The following B9D2 variants were observed in gnomAD, a reference collection of about 807,000 sequenced individuals.
The protein encoded by B9D2 is B9 domain-containing protein 2.
In B9D2, 21 loss-of-function variants were observed where a neutral mutation model predicts 19.2. The ratio of observed to expected loss-of-function variants is 1.09; its 90% CI spans 0.78 to 1.58. The LOEUF is 1.58. B9D2 is among the 40% of genes most tolerant of loss of function. The probability of loss-of-function intolerance (pLI) is 0.00; values close to 1 mark genes in which losing one functional copy is unlikely to be tolerated. For synonymous variants in B9D2, 91 were observed against 100.6 expected (o/e 0.90, Z 0.57); for missense variants, 221 against 244.3 (o/e 0.90, Z 0.64).
In B9D2 at chr19:41,357,954, C is replaced by G. The variant is rs746928334; in HGVS notation, c.157G>C (p.Asp53His). The G allele has an allele frequency of 1.2e-6, 2 of 1,614,116 alleles. No individual in the cohort carries two copies. Among genetic ancestry groups the G allele is most frequent in the Non-Finnish European group, 1.7e-6 (2 of 1,179,976 alleles). ...ATGGGGTGGGACCAGTAAGCCATGT[C>G]CCCTATCTGCGGGGTGTCCACTTGC... ...QTQVDTPQIG[D>H]MAYWSHPIDL... The change falls in exon 3 of 4, where the codon GAC (aspartate) becomes CAC (histidine). Residue 53 changes from aspartate (D) to histidine (H), a missense_variant. Coordinates refer to ENST00000243578, the MANE Select transcript of B9D2 (RefSeq NM_030578.4).
At chr19:41,362,651 C>G (rs2038429463) in intron 2 of B9D2, among the ~76,000 whole-genome samples, 1 of 152,156 alleles carries the variant, frequency 6.6e-6, no homozygotes, top group Non-Finnish European at 1.5e-5. Context: ...ATTGTACAAA[C>G]AAGGAAGTCG....
intron 3 of B9D2, 98 bp downstream of exon 3, chr19:41,357,799 G>A: frequency 6.5e-7 from 1 of 1,544,820 alleles, no homozygotes; most frequent in Non-Finnish European, 8.9e-7. Context: ...CGTGGTATGG[G>A]GAGCAGGGAC....
rs1445808447 is a variant in B9D2, at chr19:41,357,879, T to A, written c.214+18A>T. The stretch of plus-strand genomic sequence containing the variant: ...CCCCTCCCCTCAGCCTGGACCCGGG[T>A]CCAGGTGTGATACCCACCTTGAAGA... On this transcript the variant is annotated intron_variant, in intron 3 of 3. Coordinates refer to ENST00000243578, the MANE Select transcript of B9D2 (RefSeq NM_030578.4). The A allele has an allele frequency of 3.7e-6, 6 of 1,613,674 alleles. No individual in the cohort carries two copies. Among genetic ancestry groups the A allele is most frequent in the Non-Finnish European group, 5.1e-6 (6 of 1,179,882 alleles).
At chr19:41,357,637 C>G (rs1210393810) in intron 3 of B9D2, among the ~76,000 whole-genome samples, 3 of 152,032 alleles carry the variant, frequency 2.0e-5, no homozygotes, top group African/African-American at 7.2e-5. Flanking sequence ...TGAATGCCAC[C>G]TCCCCTCCCA....
chr19:41,359,421 A>C (rs2038368466), intron 2 of B9D2, among the ~76,000 whole-genome samples: 12 of 151,934 alleles, frequency 7.9e-5, no homozygotes. Flanking sequence ...ACACACACAC[A>C]CACCCACAAA....
chr19:41,355,829 G>A (rs562562811), intron 3 of B9D2, among the ~76,000 whole-genome samples: 9 of 152,346 alleles, frequency 5.9e-5, no homozygotes, highest in South Asian at 4.1e-4. Context: ...TGGGGATACC[G>A]CTTTAGCAAG....
At chr19:41,357,286 AGGACAAGGC>A (rs2038328645) in intron 3 of B9D2, among the ~76,000 whole-genome samples, 1 of 152,176 alleles carries the variant, frequency 6.6e-6, no homozygotes, top group East Asian at 1.9e-4. Context: ...GAACCCTGTG[AGGACAAGGC>A]TAAGGGACAC....
chr19:41,356,577 C>T (rs959414209), intron 3 of B9D2, among the ~76,000 whole-genome samples: 24 of 151,946 alleles, frequency 1.6e-4, no homozygotes, highest in Admixed American at 1.5e-3. Context: ...GGCGCGGTGG[C>T]TCATGCCTGT....
In B9D2 at chr19:41,354,880, C is replaced by G; in HGVS notation, c.348G>C (p.Leu116=). ...HQLACPTWRP[L]GSWREQLARA... is the part of the protein sequence containing the mutation. Reference sequence around the variant, plus strand: ...GTGCCAACTGTTCTCGCCAACTGCCCAGGGGCCGCCACGTGGGGCAGGCCA... The same window carrying G: ...GTGCCAACTGTTCTCGCCAACTGCCGAGGGGCCGCCACGTGGGGCAGGCCA... The change falls in exon 4 of 4, where the codon CTG becomes CTC. Residue 116 remains leucine (L), a synonymous_variant. Transcript: ENST00000243578. The G allele has an allele frequency of 6.2e-7, 1 of 1,613,812 alleles. No individual in the cohort carries two copies. Among genetic ancestry groups the G allele is most frequent in the Non-Finnish European group, 8.5e-7 (1 of 1,179,948 alleles).
chr19:41,356,093 G>A (rs1438237454), intron 3 of B9D2, among the ~76,000 whole-genome samples: 1 of 152,156 alleles, frequency 6.6e-6, no homozygotes, highest in Non-Finnish European at 1.5e-5. Context: ...GCCTGGTTGT[G>A]GAGAGCCTTG....
At chr19:41,363,714 G>A (rs1599913039) in intron 1 of B9D2, among the ~76,000 whole-genome samples, 191 bp from the exon 2 acceptor site, 1 of 152,172 alleles carries the variant, frequency 6.6e-6, no homozygotes, top group Non-Finnish European at 1.5e-5. Context: ...AAAAATGGGG[G>A]GACCCTTGTC....
At chr19:41,355,368 A>G (rs942937997) in intron 3 of B9D2, among the ~76,000 whole-genome samples, 1 of 152,176 alleles carries the variant, frequency 6.6e-6, no homozygotes, top group Non-Finnish European at 1.5e-5. Context: ...ATGTCAGGGC[A>G]GCCCATTGCT....
intron 2 of B9D2, chr19:41,361,108 T>C (rs1407127121): frequency 5.3e-5 from 8 of 152,212 alleles, no homozygotes; most frequent in African/African-American, 1.9e-4. Context: ...GGTCCCATCA[T>C]GGGACTGGAT....
chr19:41,359,169 G>A lies in B9D2; in HGVS notation c.89-1147C>T, dbSNP rs1376723320. ...AAACAAGCCAGGCGCAGTGACTCAC[G>A]CCTGTAATCTCAGCACTTTGGGAGG... is the stretch of plus-strand genomic sequence containing the variant. On this transcript the variant is annotated intron_variant, in intron 2 of 3. Transcript: ENST00000243578. Among the ~76,000 whole-genome samples the A allele has an allele frequency of 7.9e-5, 12 of 151,268 alleles. No individual in the cohort carries two copies. The East Asian group carries it at 1.8e-3, about 22-fold the overall frequency.
chr19:41,363,845 GT>G (rs372116716), intron 1 of B9D2, 112 bp downstream of exon 1: 8 of 536,088 alleles, frequency 1.5e-5, no homozygotes, highest in South Asian at 1.1e-4. Flanking sequence ...CGCCTTCCGC[GT>G]CACGCCAGCC....
chr19:41,361,408 C>A (rs1309195687), intron 2 of B9D2, among the ~76,000 whole-genome samples: 2 of 152,172 alleles, frequency 1.3e-5, no homozygotes, highest in Non-Finnish European at 2.9e-5. Flanking sequence ...CCAAGTCTGA[C>A]TCCAGAGCCT....
chr19:41,363,498 C>T lies in B9D2; in HGVS notation c.22G>A (p.Gly8Arg), dbSNP rs2038448285. 4.3e-6 allele frequency: 7 copies of T among 1,614,032 alleles called. No individual in the cohort carries two copies. Among genetic ancestry groups the T allele is most frequent in the Non-Finnish European group, 5.1e-6 (6 of 1,180,014 alleles). ...AAACCGCTGGCCCCTATGATCTGCC[C>T]GATCACGTGCACCTCAGCCATGGCC... is the stretch of plus-strand genomic sequence containing the variant. MAEVHVI[G>R]QIIGASGFSE... The change falls in exon 2 of 4, where the codon GGG (glycine) becomes AGG (arginine). Residue 8 changes from glycine to arginine, a missense_variant. Physicochemically the swap from Gly to Arg is moderately radical, Grantham distance 125. Transcript: ENST00000243578.
chr19:41,363,446 C>G lies in B9D2; in HGVS notation c.74G>C (p.Trp25Ser). The change falls in exon 2 of 4, where the codon TGG becomes TCG. Residue 25 changes from tryptophan (W) to serine (S), a missense_variant. Coordinates refer to ENST00000243578, the MANE Select transcript of B9D2 (RefSeq NM_030578.4). The part of the protein sequence containing the change: ...GFSESSLFCK[W>S]GIHTGAAWKL... ...TGGGGGAATACCTGTGTGAATGCCC[C>G]ACTTGCAGAAGAGGCTACTTTCCGA... The G allele has an allele frequency of 1.9e-6, 3 of 1,614,136 alleles. No individual in the cohort carries two copies. Among genetic ancestry groups the G allele is most frequent in the Non-Finnish European group, 2.5e-6 (3 of 1,180,006 alleles).
chr19:41,357,537 G>A (rs2038333371), intron 3 of B9D2, among the ~76,000 whole-genome samples: 1 of 152,086 alleles, frequency 6.6e-6, no homozygotes, highest in Admixed American at 6.6e-5. Flanking sequence ...TCAAGCCGAG[G>A]AGCCCTTCCT....
Sources: gnomAD v4.1 joint callset for allele counts (sites outside exome capture counted in the v4.1 genomes callset) on GRCh38, gnomAD v4.1.1 for gene constraint, MANE v1.5 for transcripts, NCBI Gene and HGNC (gene_info 2026-07-23, HGNC 2026-07-21) for gene names.